GRID1: variants seen among roughly 807,000 people sequenced by gnomAD.
The protein encoded by GRID1 is glutamate receptor ionotropic, delta-1.
GRID1 carries 28 observed loss-of-function variants against 98.0 expected under a neutral mutation model. That is an observed-to-expected ratio of 0.29 (90% CI 0.21 to 0.39). The LOEUF is 0.39. GRID1 is among the 10% of genes least tolerant of loss of function. GRID1 has a pLI of 1.00. For missense variants in GRID1, 1,111 were observed against 1,340.5 expected (o/e 0.83, Z 2.67); for synonymous variants, 553 against 538.5 (o/e 1.03, Z -0.37).
chr10:86,284,331 A>G (rs1410398924), intron 2 of GRID1, among the ~76,000 whole-genome samples: 3 of 152,130 alleles, frequency 2.0e-5, no homozygotes, highest in Non-Finnish European at 2.9e-5. Flanking sequence ...TTGTCTGGTC[A>G]TTGCTGCATT....
chr10:85,888,286 C>G (rs1177829154), intron 5 of GRID1, among the ~76,000 whole-genome samples: 3 of 152,190 alleles, frequency 2.0e-5, no homozygotes, highest in Middle Eastern at 3.2e-3. Flanking sequence ...ACAGCCCATT[C>G]CCAAGCGTGG....
intron 13 of GRID1, among the ~76,000 whole-genome samples, chr10:85,628,321 G>A (rs997229103): frequency 2.0e-5 from 3 of 151,994 alleles, no homozygotes; most frequent in African/African-American, 7.2e-5. Flanking sequence ...GTGTAAGTGT[G>A]AGGGAATGTG....
intron 8 of GRID1, among the ~76,000 whole-genome samples, chr10:85,770,190 C>CAA (rs1297220714): frequency 1.3e-5 from 2 of 152,306 alleles, no homozygotes; most frequent in East Asian, 3.9e-4. Flanking sequence ...GTTCTGCAGC[C>CAA]ACCGCTGCTG....
At chr10:85,762,829 A>G (rs1385031719) in intron 8 of GRID1, among the ~76,000 whole-genome samples, 3 of 152,236 alleles carry the variant, frequency 2.0e-5, no homozygotes, top group Non-Finnish European at 2.9e-5. Flanking sequence ...GTGACTTGTC[A>G]GGTGCCTGAT....
chr10:85,959,203 C>T (rs1160238592), intron 4 of GRID1, among the ~76,000 whole-genome samples: 3 of 152,156 alleles, frequency 2.0e-5, no homozygotes, highest in Non-Finnish European at 4.4e-5. Context: ...TAATGAATCT[C>T]TTCTTCTATG....
chr10:86,226,907 A>G (rs1421227348), intron 2 of GRID1, among the ~76,000 whole-genome samples: 1 of 152,048 alleles, frequency 6.6e-6, no homozygotes, highest in Admixed American at 6.5e-5. Flanking sequence ...GCAGGGAATT[A>G]CCAGGCCTCA....
At chr10:85,829,741 T>A (rs947994264) in intron 8 of GRID1, among the ~76,000 whole-genome samples, 1 of 151,922 alleles carries the variant, frequency 6.6e-6, no homozygotes, top group African/African-American at 2.4e-5. Context: ...TAAAGCTAAC[T>A]AAAGAGGTGA....
intron 4 of GRID1, among the ~76,000 whole-genome samples, chr10:86,029,190 C>A (rs1449360125): frequency 3.9e-5 from 6 of 152,204 alleles, no homozygotes; most frequent in Non-Finnish European, 7.4e-5. Context: ...CCCCCCAAAA[C>A]CCACTCCTCT....
At chr10:85,712,851 TA>T (rs149409492) in intron 12 of GRID1, among the ~76,000 whole-genome samples, 4,181 of 151,322 alleles carry the variant, frequency 0.028, 170 homozygotes, top group African/African-American at 0.095. Context: ...AAAGGGATAC[TA>T]AAAAAAATTC....
chr10:86,194,681 G>T (rs565262276), intron 3 of GRID1, among the ~76,000 whole-genome samples: 1 of 152,096 alleles, frequency 6.6e-6, no homozygotes, highest in African/African-American at 2.4e-5. Context: ...CCAAAGCAGG[G>T]TGGTCTCCCC....
At chr10:86,038,067 T>C (rs1268932843) in intron 4 of GRID1, among the ~76,000 whole-genome samples, 2 of 152,038 alleles carry the variant, frequency 1.3e-5, no homozygotes, top group African/African-American at 2.4e-5. Context: ...CATGAAGACA[T>C]AGGGAGAAGA....
chr10:86,366,241 G>C lies in GRID1; in HGVS notation c.79+73C>G. The C allele has an allele frequency of 5.3e-6, 6 of 1,135,564 alleles. No individual in the cohort carries two copies. The highest frequency in any genetic ancestry group is 7.3e-6 in the Non-Finnish European group (6 of 827,014). 70.3% of individuals were successfully genotyped at this position (1,135,564 alleles called of 1,614,324 possible). Reference sequence around the variant, plus strand: ...GCCCCTCGGCCCAGGGAAACGCCAAGTTTGGACGCCGCGCACCCCCTGCCC... The same window carrying C: ...GCCCCTCGGCCCAGGGAAACGCCAACTTTGGACGCCGCGCACCCCCTGCCC... On this transcript the variant is annotated intron_variant, in intron 1 of 15. Coordinates refer to ENST00000327946, the MANE Select transcript of GRID1 (RefSeq NM_017551.3). The surrounding 1 kb of genome is among the most constrained non-coding windows in gnomAD (Gnocchi z 4.1).
intron 2 of GRID1, among the ~76,000 whole-genome samples, chr10:86,242,248 A>G (rs927266739): frequency 3.9e-5 from 6 of 152,228 alleles, no homozygotes; most frequent in African/African-American, 1.4e-4. Context: ...CAGAAGGAAC[A>G]ACACATACGA....
At chr10:86,154,823 G>A (rs181019383) in intron 3 of GRID1, among the ~76,000 whole-genome samples, 74 of 152,200 alleles carry the variant, frequency 4.9e-4, no homozygotes, top group African/African-American at 1.4e-3. Flanking sequence ...ACCTCTGCTC[G>A]CTGCCACCTC....
At chr10:85,807,083 C>T (rs1842629305) in intron 8 of GRID1, among the ~76,000 whole-genome samples, 1 of 151,922 alleles carries the variant, frequency 6.6e-6, no homozygotes, top group Admixed American at 6.6e-5. Context: ...GGCATAGTGG[C>T]TTATGTTTGT....
At chr10:86,083,273 C>T (rs138574246) in intron 4 of GRID1, among the ~76,000 whole-genome samples, 7 of 152,310 alleles carry the variant, frequency 4.6e-5, no homozygotes, top group African/African-American at 7.2e-5. Context: ...GCTCTCGTAG[C>T]GGTTGAGGAC....
At chr10:85,988,008 G>A (rs4643018) in intron 4 of GRID1, among the ~76,000 whole-genome samples, 109,428 of 152,022 alleles carry the variant, frequency 0.72, 39,786 homozygotes, top group South Asian at 0.83. Flanking sequence ...ACAGAGACCC[G>A]CATTAAATTC....
chr10:85,846,992 T>C lies in GRID1; in HGVS notation c.1233+7504A>G, dbSNP rs138891094. On this transcript the variant is annotated intron_variant, in intron 8 of 15. Coordinates refer to ENST00000327946, the MANE Select transcript of GRID1 (RefSeq NM_017551.3). Reference sequence around the variant, plus strand: ...AAAAGAATGAGCAATTTCTTTCCCATGTTATGAAAAGAGCACAAGCCTAAC... The same window carrying C: ...AAAAGAATGAGCAATTTCTTTCCCACGTTATGAAAAGAGCACAAGCCTAAC... 2.6e-5 allele frequency among the ~76,000 whole-genome samples: 4 copies of C among 152,282 alleles called. No individual in the cohort carries two copies. The East Asian group carries it at 7.7e-4, about 29-fold the overall frequency.
At chr10:86,149,696 G>C (rs1845136295) in intron 3 of GRID1, among the ~76,000 whole-genome samples, 1 of 152,252 alleles carries the variant, frequency 6.6e-6, no homozygotes, top group South Asian at 2.1e-4. Flanking sequence ...ATTATGCCAA[G>C]TAACTAATTT....
Sources: allele counts gnomAD v4.1 joint callset (sites outside exome capture counted in the v4.1 genomes callset), GRCh38; gene constraint gnomAD v4.1.1; non-coding constraint Gnocchi (gnomAD v3.1); transcripts MANE v1.5; gene names NCBI Gene and HGNC (gene_info 2026-07-23, HGNC 2026-07-21).